The following ABCC9 variants were observed in gnomAD, a reference collection of about 807,000 sequenced individuals.
ABCC9 encodes ATP binding cassette subfamily C member 9, also known as ATP-binding cassette sub-family C member 9.
A neutral mutation model predicts 188.3 loss-of-function variants in ABCC9; 95 were observed. The ratio of observed to expected loss-of-function variants is 0.50; its 90% CI spans 0.43 to 0.60. The LOEUF (loss-of-function observed/expected upper bound fraction) is 0.60, where lower values mean the gene tolerates loss of function less well. Ranked by LOEUF, ABCC9 falls within the 20% of genes least tolerant of loss-of-function variation. ABCC9 has a pLI of 0.00. For synonymous variants in ABCC9, 659 were observed against 652.7 expected (o/e 1.01, Z -0.15); for missense variants, 1,102 against 1,876.3 (o/e 0.59, Z 7.62).
chr12:21,895,299 T>C lies in ABCC9; in HGVS notation c.1635A>G (p.Ala545=). Residue 545 remains alanine, a synonymous_variant, in exon 13 of 40, where the codon GCA becomes GCG. Coordinates refer to ENST00000261200, the MANE Select transcript of ABCC9 (RefSeq NM_020297.4). ...CAGCAAGAACAGCTGCTATGGGAAT[T>C]GCTGCATTCATGAAGACTGTGGAAA... ...YTSLSIFMNA[A]IPIAAVLATF... The C allele has an allele frequency of 6.2e-7, 1 of 1,613,834 alleles. No homozygotes were observed.
intron 16 of ABCC9, among the ~76,000 whole-genome samples, chr12:21,877,429 T>C (rs943601585): frequency 1.3e-5 from 2 of 152,056 alleles, no homozygotes; most frequent in South Asian, 4.1e-4. Context: ...AAAAAAACCG[T>C]AAAATATGTC....
intron 32 of ABCC9, among the ~76,000 whole-genome samples, chr12:21,817,557 A>C (rs78800617): frequency 6.6e-6 from 1 of 152,134 alleles, no homozygotes; most frequent in African/African-American, 2.4e-5. Flanking sequence ...TGCATGATGG[A>C]TAGTGGTATA....
intron 18 of ABCC9, among the ~76,000 whole-genome samples, chr12:21,870,835 TA>T (rs1244906538): frequency 3.3e-5 from 5 of 152,214 alleles, no homozygotes; most frequent in Admixed American, 6.5e-5. Context: ...AGATACAATA[TA>T]AATCGTATAC....
chr12:21,887,437 A>G, intron 15 of ABCC9, among the ~76,000 whole-genome samples: 1 of 152,202 alleles, frequency 6.6e-6, no homozygotes, highest in East Asian at 1.9e-4. Flanking sequence ...TAATATATTA[A>G]GTGGATCAAA....
rs704217 is a variant in ABCC9, at chr12:21,894,240, C to T, written c.1660-66G>A. On this transcript the variant is annotated intron_variant, in intron 13 of 39. Coordinates refer to ENST00000261200, the MANE Select transcript of ABCC9 (RefSeq NM_020297.4). ...GTGTCACACATGCGTACATTCAGTC[C>T]TAGAAACCTAACATATTCTGCTATG... 0.68 allele frequency: 1,063,273 copies of T among 1,563,854 alleles called. 363,387 individuals carry two copies. Among genetic ancestry groups the T allele is most frequent in the Middle Eastern group, 0.81 (4,860 of 5,976 alleles).
intron 30 of ABCC9, among the ~76,000 whole-genome samples, chr12:21,829,973 C>G (rs1943662829): frequency 6.6e-6 from 1 of 152,068 alleles, no homozygotes; most frequent in South Asian, 2.1e-4. Context: ...GAGATGACGG[C>G]AAATGCTCTA....
intron 18 of ABCC9, among the ~76,000 whole-genome samples, chr12:21,868,189 C>A (rs1945873845): frequency 1.3e-5 from 2 of 152,224 alleles, no homozygotes; most frequent in African/African-American, 4.8e-5. Context: ...AAGGAAACAA[C>A]TATCGGCATC....
intron 22 of ABCC9, among the ~76,000 whole-genome samples, chr12:21,855,354 G>C (rs891867653): frequency 6.6e-6 from 1 of 151,970 alleles, no homozygotes; most frequent in African/African-American, 2.4e-5. Context: ...CAACTTACTG[G>C]GATTACAGGC....
At chr12:21,913,611 G>A (rs1396090775) in intron 7 of ABCC9, among the ~76,000 whole-genome samples, 1 of 152,130 alleles carries the variant, frequency 6.6e-6, no homozygotes, top group East Asian at 1.9e-4. Context: ...TCCCTGAATG[G>A]TAGTCAATAC....
In ABCC9 at chr12:21,818,267, A is replaced by T. The variant is rs1407226414; in HGVS notation, c.3670-16T>A. On this transcript the variant is annotated splice_polypyrimidine_tract_variant and intron_variant, in intron 31 of 39. Coordinates refer to ENST00000261200, the MANE Select transcript of ABCC9 (RefSeq NM_020297.4). Reference sequence around the variant, plus strand: ...CCAGATAATCCTTTGAAAAAGCAAGAGAAAATGTTAAAAGGTTACTCCCAA... The same window carrying T: ...CCAGATAATCCTTTGAAAAAGCAAGTGAAAATGTTAAAAGGTTACTCCCAA... 1.2e-6 allele frequency: 2 copies of T among 1,605,576 alleles called. No homozygotes were observed. Among genetic ancestry groups the T allele is most frequent in the Admixed American group, 3.3e-5 (2 of 59,916 alleles).
intron 18 of ABCC9, among the ~76,000 whole-genome samples, chr12:21,867,861 C>G (rs1423056467): frequency 6.6e-6 from 1 of 150,710 alleles, no homozygotes; most frequent in Non-Finnish European, 1.5e-5. Flanking sequence ...AAATGACAAG[C>G]TGTTTCTCAC....
intron 31 of ABCC9, among the ~76,000 whole-genome samples, chr12:21,820,918 A>G (rs60270881): frequency 0.019 from 2,839 of 152,214 alleles, 79 homozygotes; most frequent in African/African-American, 0.065. Context: ...GTTATTGTCT[A>G]TCTACTCTCA....
rs1296303154 is a variant in ABCC9, at chr12:21,817,183, A to G, written c.3892+4T>C. Reference sequence around the variant, plus strand: ...AGTGAGACAAACAATATTTAGAGCAATACCCATTGTGCCTTCATAGTTCTC... The same window carrying G: ...AGTGAGACAAACAATATTTAGAGCAGTACCCATTGTGCCTTCATAGTTCTC... On this transcript the variant is annotated splice_donor_region_variant and intron_variant, in intron 33 of 39. Transcript: ENST00000261200. 2 of 1,613,208 alleles carry G rather than the reference A, an allele frequency of 1.2e-6. No homozygotes were observed. The highest frequency in any genetic ancestry group is 1.7e-5 in the Admixed American group (1 of 59,988).
At chr12:21,894,264 T>C (rs1171160501) in intron 13 of ABCC9, 90 bp from the exon 14 acceptor site, 2 of 1,371,702 alleles carry the variant, frequency 1.5e-6, no homozygotes, top group Non-Finnish European at 1.0e-6. Context: ...TATTCTGCTA[T>C]GCCAGTATGT....
chr12:21,805,355 A>G, intron 39 of ABCC9: 1 of 1,582,152 alleles, frequency 6.3e-7, no homozygotes, highest in East Asian at 2.2e-5. Context: ...AGAAGGAAAA[A>G]TGTCCAAGTG....
Position 21,912,875 on chromosome 12 carries a change from A to G in ABCC9, c.1008T>C (p.Thr336=), listed in dbSNP as rs778283866. The G allele has an allele frequency of 1.2e-6, 2 of 1,613,190 alleles. No homozygotes were observed. The highest frequency in any genetic ancestry group is 1.1e-5 in the South Asian group (1 of 91,056). ...TTGAAAATCACCAGGAACTTACTCC[A>G]GTTGTGTTATTTGTCCCATTCTGGG... ...NETQNGTNNT[T]GISETLSSKE... The change falls in exon 8 of 40, where the codon ACT becomes ACC. Residue 336 remains threonine (T), a synonymous_variant. Coordinates refer to ENST00000261200, the MANE Select transcript of ABCC9 (RefSeq NM_020297.4).
At chr12:21,853,898 C>A (rs991866418) in intron 22 of ABCC9, among the ~76,000 whole-genome samples, 1 of 152,142 alleles carries the variant, frequency 6.6e-6, no homozygotes, top group African/African-American at 2.4e-5. Context: ...CAGGTAAAAA[C>A]TGGGAAGAGT....
chr12:21,876,044 T>G (rs1329171615), intron 16 of ABCC9, among the ~76,000 whole-genome samples: 1 of 152,008 alleles, frequency 6.6e-6, no homozygotes, highest in East Asian at 1.9e-4. Flanking sequence ...AGAGCGAGAC[T>G]CCATCTTGGA....
intron 12 of ABCC9, among the ~76,000 whole-genome samples, chr12:21,901,484 G>T (rs1261995244): frequency 6.6e-6 from 1 of 152,158 alleles, no homozygotes; most frequent in Non-Finnish European, 1.5e-5. Flanking sequence ...TGGGCTAAAT[G>T]CTCCAATTAA....
Sources: allele counts gnomAD v4.1 joint callset (sites outside exome capture counted in the v4.1 genomes callset), GRCh38; gene constraint gnomAD v4.1.1; transcripts MANE v1.5; gene names NCBI Gene and HGNC (gene_info 2026-07-23, HGNC 2026-07-21).